The following NPHP3 variants were observed in gnomAD, a reference collection of about 807,000 sequenced individuals.
NPHP3 encodes the protein nephrocystin 3.
NPHP3 carries 123 observed loss-of-function variants against 171.9 expected under a neutral mutation model. That is an observed-to-expected ratio of 0.72 (90% CI 0.62 to 0.83). The LOEUF (loss-of-function observed/expected upper bound fraction) is 0.83. Ranked by LOEUF, NPHP3 falls within the 40% of genes least tolerant of loss-of-function variation. The probability of loss-of-function intolerance (pLI) is 0.00; values close to 1 mark genes in which losing one functional copy is unlikely to be tolerated. For synonymous variants in NPHP3, 558 were observed against 579.2 expected (o/e 0.96, Z 0.52); for missense variants, 1,506 against 1,591.9 (o/e 0.95, Z 0.92).
chr3:132,706,695 T>G (rs1321951575), intron 7 of NPHP3, among the ~76,000 whole-genome samples: 1 of 152,176 alleles, frequency 6.6e-6, no homozygotes. Flanking sequence ...ACATTTACAT[T>G]TATAATCATG....
In NPHP3 at chr3:132,699,394, T is replaced by A; in HGVS notation, c.1944A>T (p.Val648=). 1.2e-6 allele frequency: 2 copies of A among 1,612,966 alleles called. No individual in the cohort carries two copies. Among genetic ancestry groups the A allele is most frequent in the Non-Finnish European group, 8.5e-7 (1 of 1,179,848 alleles). Residue 648 remains valine, a synonymous_variant, in exon 13 of 27, where the codon GTA becomes GTT. Coordinates refer to ENST00000337331, the MANE Select transcript of NPHP3 (RefSeq NM_153240.5). ...LIDPLPVNVR[V]IVSVNVETCP... is the part of the protein sequence containing the mutation. ...ATGTTTCTACATTCACAGAAACAAT[T>A]ACTCTTACATTCACTGGCAGTGGAT...
intron 5 of NPHP3, 96 bp from the exon 6 acceptor site, chr3:132,713,382 G>T: frequency 1.5e-6 from 1 of 647,702 alleles, no homozygotes; most frequent in South Asian, 2.9e-5. Context: ...CTTTAAAACA[G>T]GTTATACTGG....
Position 132,692,727 on chromosome 3 carries a change from G to A in NPHP3, c.2402C>T (p.Ser801Phe). The A allele has an allele frequency of 6.2e-7, 1 of 1,614,008 alleles. No individual in the cohort carries two copies. Among genetic ancestry groups the A allele is most frequent in the South Asian group, 1.1e-5 (1 of 91,080 alleles). The change falls in exon 17 of 27, where the codon TCC becomes TTC. Residue 801 changes from serine to phenylalanine, a missense_variant. By Grantham distance (155) the Ser-to-Phe change is radical (BLOSUM62 -2). This residue lies in a region of NPHP3 where 569 missense variants were observed against 648.1 expected (regional missense o/e 0.88). Transcript: ENST00000337331. ...CATTTTGTATAAACTGTGAATAAGG[G>A]AGGTCAAGAAAGTCCAGGACATCTC... ...YPEMSWTFLT[S>F]LIHSLYKMCL...
chr3:132,681,004 T>C lies in NPHP3; in HGVS notation c.*906A>G, dbSNP rs1576657739. ...ATATAGTAATAAATAATACACAATG[T>C]AGACAGAACAGAAAGCAGAGGGACT... is the stretch of plus-strand genomic sequence containing the variant. On this transcript the variant is annotated 3_prime_UTR_variant, in exon 27 of 27. Transcript: ENST00000337331. The C allele has an allele frequency of 6.6e-6, 1 of 152,150 alleles. No individual in the cohort carries two copies. Among genetic ancestry groups the C allele is most frequent in the East Asian group, 1.9e-4 (1 of 5,190 alleles). 9.4% of individuals were successfully genotyped at this position (152,150 alleles called of 1,614,324 possible). A position where few individuals can be genotyped will look rare whatever the true frequency, so the allele number is the denominator to read the frequency against.
chr3:132,691,165 G>A (rs367861769), intron 18 of NPHP3, 27 bp downstream of exon 18: 69 of 1,530,924 alleles, frequency 4.5e-5, no homozygotes, highest in Non-Finnish European at 6.2e-5. Context: ...AGAAGTTACA[G>A]AAGAACAACA....
At chr3:132,690,419 T>C in intron 19 of NPHP3, 109 bp downstream of exon 19, 1 of 1,034,826 alleles carries the variant, frequency 9.7e-7, no homozygotes, top group Non-Finnish European at 1.4e-6. Context: ...CTATTTGTAT[T>C]TCAGATACTT....
intron 13 of NPHP3, among the ~76,000 whole-genome samples, chr3:132,698,808 A>G (rs1560007489): frequency 1.3e-5 from 2 of 152,092 alleles, no homozygotes; most frequent in African/African-American, 4.8e-5. Flanking sequence ...ATGAAGCTAC[A>G]TTAATTAATT....
Position 132,719,183 on chromosome 3 carries a change from TA to T in NPHP3, c.520-40del, listed in dbSNP as rs770204256. The stretch of plus-strand genomic sequence containing the variant: ...AATTTTAATGTTGAAAGCTTTTTCA[TA>T]ATCAAAAAGTTGTGTCATCAACTTT... On this transcript the variant is annotated intron_variant, in intron 2 of 26. Coordinates refer to ENST00000337331, the MANE Select transcript of NPHP3 (RefSeq NM_153240.5). 9 of 1,514,712 alleles carry T rather than the reference TA, an allele frequency of 5.9e-6. No homozygotes were observed. In the South Asian group the frequency reaches 5.9e-5, roughly 10 times the overall value. 93.8% of individuals were successfully genotyped at this position (1,514,712 alleles called of 1,614,324 possible).
chr3:132,685,482 A>G (rs1939131828), intron 23 of NPHP3: 1 of 152,226 alleles, frequency 6.6e-6, no homozygotes, highest in Non-Finnish European at 1.5e-5. Context: ...TAAGTGGGCT[A>G]CAGATTTATT....
At chr3:132,714,187 T>C (rs959087649) in intron 5 of NPHP3, among the ~76,000 whole-genome samples, 3 of 152,248 alleles carry the variant, frequency 2.0e-5, no homozygotes, top group African/African-American at 2.4e-5. Flanking sequence ...TAAAACTTGA[T>C]AGACACTAAG....
intron 25 of NPHP3, 140 bp downstream of exon 25, chr3:132,683,259 T>A (rs1939076576): frequency 2.5e-6 from 2 of 795,288 alleles, no homozygotes; most frequent in South Asian, 3.1e-5. Flanking sequence ...TTCAATAGTT[T>A]CTCAAGTACT....
At position 132,691,292 on chromosome 3, in the gene NPHP3, G is replaced by A; in HGVS notation, c.2476-6C>T. 1 of 1,604,786 alleles carries A rather than the reference G, an allele frequency of 6.2e-7. No homozygotes were observed. Among genetic ancestry groups the A allele is most frequent in the Non-Finnish European group, 8.5e-7 (1 of 1,171,790 alleles). Reference sequence around the variant, plus strand: ...AATCTCACTGTTTCCCAAGCCTAGGGAGAAAAAGAAGAAATACTGAGTTCT... The same window carrying A: ...AATCTCACTGTTTCCCAAGCCTAGGAAGAAAAAGAAGAAATACTGAGTTCT... On this transcript the variant is annotated splice_region_variant and splice_polypyrimidine_tract_variant and intron_variant, in intron 17 of 26. Transcript: ENST00000337331.
chr3:132,693,422 T>C (rs79581741), intron 16 of NPHP3: 3,590 of 153,360 alleles, frequency 0.023, 49 homozygotes, highest in Non-Finnish European at 0.028. Context: ...ACCAGGATCT[T>C]TGAAGGGCTT....
At chr3:132,694,358 T>G (rs891487162) in intron 16 of NPHP3, among the ~76,000 whole-genome samples, 1 of 74,634 alleles carries the variant, frequency 1.3e-5, no homozygotes, top group South Asian at 4.7e-4. Flanking sequence ...GGAAATTATG[T>G]GTGTGTGTGT....
At chr3:132,706,241 G>T (rs952678004) in intron 7 of NPHP3, among the ~76,000 whole-genome samples, 1 of 151,674 alleles carries the variant, frequency 6.6e-6, no homozygotes, top group Non-Finnish European at 1.5e-5. Flanking sequence ...TGCCTGTAGT[G>T]CCAGCTACTC....
In NPHP3 at chr3:132,719,790, T is replaced by C; in HGVS notation, c.434A>G (p.Glu145Gly). Residue 145 changes from glutamate to glycine, a missense_variant, in exon 2 of 27, where the codon GAA becomes GGA. Coordinates refer to ENST00000337331, the MANE Select transcript of NPHP3 (RefSeq NM_153240.5). ...TTGGTATTTCGCTTCTAAAGCACTT[T>C]CTTTTTCTCGAAGTATCTTCTGATA... ...KTYQKILREKESALEAKYQAM... is the reference protein window; with the variant it reads ...KTYQKILREKGSALEAKYQAM... The C allele has an allele frequency of 1.2e-6, 2 of 1,600,690 alleles. No individual in the cohort carries two copies. Among genetic ancestry groups the C allele is most frequent in the Non-Finnish European group, 1.7e-6 (2 of 1,171,542 alleles).
chr3:132,715,756 T>C (rs1340715687), intron 4 of NPHP3, among the ~76,000 whole-genome samples: 1 of 152,232 alleles, frequency 6.6e-6, no homozygotes, highest in Non-Finnish European at 1.5e-5. Context: ...GAACTACTTA[T>C]AACTTCTTAG....
At chr3:132,709,496 AAGTCT>A (rs1939852823) in intron 6 of NPHP3, among the ~76,000 whole-genome samples, 2 of 151,862 alleles carry the variant, frequency 1.3e-5, no homozygotes, top group Non-Finnish European at 2.9e-5. Context: ...TTGCCCAGGC[AAGTCT>A]TGAATTCCTG....
At chr3:132,702,843 C>G (rs1487474873) in intron 9 of NPHP3, among the ~76,000 whole-genome samples, 1 of 152,120 alleles carries the variant, frequency 6.6e-6, no homozygotes, top group Non-Finnish European at 1.5e-5. Context: ...CTCATAAGTC[C>G]TAACAACTTA....
Sources: gnomAD v4.1 joint callset for allele counts (sites outside exome capture counted in the v4.1 genomes callset) on GRCh38, gnomAD v4.1.1 for gene constraint, gnomAD v4.1.1 regional missense constraint, MANE v1.5 for transcripts, NCBI Gene and HGNC (gene_info 2026-07-23, HGNC 2026-07-21) for gene names.